Variants in ARMC3 observed in about 807,000 individuals in gnomAD.
The protein encoded by ARMC3 is armadillo repeat-containing protein 3.
A neutral mutation model predicts 90.3 loss-of-function variants in ARMC3; 74 were observed. The observed-to-expected ratio is 0.82, with a 90% CI of 0.68 to 0.99. ARMC3 has a LOEUF of 0.99. ARMC3 is among the 50% of genes least tolerant of loss of function. The pLI, the probability that ARMC3 is intolerant of heterozygous loss-of-function variation, is 0.00. For synonymous variants in ARMC3, 334 were observed against 361.8 expected, an observed-to-expected ratio of 0.92 and a Z score of 0.87; for missense variants, 958 against 1,042.8, an observed-to-expected ratio of 0.92 and a Z score of 1.12.
chr10:22,931,309 A>G (rs1466138217), intron 1 of ARMC3, among the ~76,000 whole-genome samples: 1 of 152,208 alleles, frequency 6.6e-6, no homozygotes, highest in Non-Finnish European at 1.5e-5. Context: ...CTTTTTCCAC[A>G]CAGACATGGA....
chr10:22,930,229 G>A lies in ARMC3; in HGVS notation c.-1-1767G>A, dbSNP rs187585766. ...TGAAATATTATAGGCACAAGGTCTA[G>A]GGCCTGTTCACTTTTCAAGCACCTA... On this transcript the variant is annotated intron_variant, in intron 1 of 18. Coordinates refer to ENST00000298032, the MANE Select transcript of ARMC3 (RefSeq NM_173081.5). 2.1e-3 allele frequency among the ~76,000 whole-genome samples: 315 copies of A among 151,896 alleles called. 1 individual carries two copies. Among genetic ancestry groups the A allele is most frequent in the Non-Finnish European group, 3.6e-3 (244 of 67,982 alleles).
intron 8 of ARMC3, among the ~76,000 whole-genome samples, chr10:22,973,948 C>T (rs1395033255): frequency 3.3e-5 from 5 of 151,566 alleles, no homozygotes; most frequent in South Asian, 2.1e-4. Context: ...TTAGTAAAGA[C>T]GGGGTTTCAC....
At chr10:22,987,066 A>G (rs1465524388) in intron 10 of ARMC3, among the ~76,000 whole-genome samples, 4 of 152,210 alleles carry the variant, frequency 2.6e-5, no homozygotes, top group Non-Finnish European at 5.9e-5. Context: ...TTATAGAAAA[A>G]TGTAGTTGTT....
chr10:22,932,475 A>G (rs780802623), intron 2 of ARMC3, among the ~76,000 whole-genome samples: 6 of 152,216 alleles, frequency 3.9e-5, no homozygotes, highest in Non-Finnish European at 7.3e-5. Flanking sequence ...AGAAGTCCCT[A>G]TCCTTTCCAG....
At chr10:22,934,843 A>T (rs772451558) in intron 2 of ARMC3, among the ~76,000 whole-genome samples, 1 of 152,188 alleles carries the variant, frequency 6.6e-6, no homozygotes. Flanking sequence ...GGTGCTGTTC[A>T]TCATTCTACA....
In ARMC3 at chr10:22,981,454, G is replaced by A; in HGVS notation, c.1031G>A (p.Cys344Tyr). The change falls in exon 9 of 19, where the codon TGT becomes TAT. Residue 344 changes from cysteine to tyrosine, a missense_variant. Transcript: ENST00000298032. ...IAASQAISAM[C>Y]ENSGSKDFFN... ...GCTTCCCAAGCTATTTCAGCAATGTGTGAGAATTCAGGCAGCAAAGATTTT... is the reference window on the plus strand; with the variant it reads ...GCTTCCCAAGCTATTTCAGCAATGTATGAGAATTCAGGCAGCAAAGATTTT... 6.2e-7 allele frequency: 1 copy of A among 1,614,062 alleles called. No homozygotes were observed. Among genetic ancestry groups the A allele is most frequent in the Non-Finnish European group, 8.5e-7 (1 of 1,180,006 alleles).
intron 16 of ARMC3, among the ~76,000 whole-genome samples, chr10:23,026,219 C>CA: frequency 6.6e-6 from 1 of 152,176 alleles, no homozygotes; most frequent in African/African-American, 2.4e-5. Context: ...CTTCTCAACT[C>CA]ACGATGATCT....
intron 16 of ARMC3, 99 bp from the exon 17 acceptor site, chr10:23,030,497 G>C: frequency 1.3e-6 from 2 of 1,498,468 alleles, no homozygotes; most frequent in Non-Finnish European, 1.8e-6. Flanking sequence ...AGGGTTCACT[G>C]TACCTTTTTT....
intron 3 of ARMC3, among the ~76,000 whole-genome samples, chr10:22,951,219 G>A (rs763542595): frequency 6.6e-6 from 1 of 152,204 alleles, no homozygotes; most frequent in African/African-American, 2.4e-5. Flanking sequence ...TTACAGGCAT[G>A]AGCCAGTGCG....
intron 3 of ARMC3, among the ~76,000 whole-genome samples, chr10:22,947,932 T>G (rs1834601056): frequency 6.6e-6 from 1 of 152,164 alleles, no homozygotes. Flanking sequence ...TTACAAATGA[T>G]TAGACTTTTA....
intron 16 of ARMC3, among the ~76,000 whole-genome samples, chr10:23,013,948 A>T (rs1266391897): frequency 6.6e-6 from 1 of 152,208 alleles, no homozygotes; most frequent in East Asian, 1.9e-4. Flanking sequence ...AATATTAAAA[A>T]TTACTTTAAT....
intron 7 of ARMC3, among the ~76,000 whole-genome samples, chr10:22,964,710 G>A (rs7905381): frequency 0.033 from 4,929 of 151,146 alleles, 259 homozygotes; most frequent in African/African-American, 0.11. Context: ...CAAAGTGCTG[G>A]GACTACAGGC....
intron 2 of ARMC3, among the ~76,000 whole-genome samples, chr10:22,940,963 G>A (rs1834305118): frequency 6.6e-6 from 1 of 152,244 alleles, no homozygotes; most frequent in Middle Eastern, 3.4e-3. Flanking sequence ...TCTATCAACA[G>A]TTGAATGGAT....
chr10:23,002,793 C>T (rs1257353312), intron 12 of ARMC3, among the ~76,000 whole-genome samples: 3 of 151,976 alleles, frequency 2.0e-5, no homozygotes, highest in African/African-American at 2.4e-5. Context: ...AGGCTGGTCT[C>T]GAACTCCTGA....
chr10:22,983,061 T>C (rs1000674987), intron 10 of ARMC3, among the ~76,000 whole-genome samples: 1 of 152,222 alleles, frequency 6.6e-6, no homozygotes, highest in African/African-American at 2.4e-5. Context: ...TTCTGGAATA[T>C]TGAGTCCTTC....
chr10:22,965,445 C>G (rs1835403756), intron 7 of ARMC3, among the ~76,000 whole-genome samples: 1 of 152,124 alleles, frequency 6.6e-6, no homozygotes, highest in Non-Finnish European at 1.5e-5. Context: ...TGATGTGTCA[C>G]TTTTCTTTGG....
intron 2 of ARMC3, among the ~76,000 whole-genome samples, chr10:22,943,036 G>A (rs919903352): frequency 3.9e-5 from 6 of 152,118 alleles, no homozygotes; most frequent in African/African-American, 1.2e-4. Flanking sequence ...CAGAATAATG[G>A]TTATCTCTCA....
chr10:22,991,547 A>G (rs1328214425), intron 10 of ARMC3, among the ~76,000 whole-genome samples: 1 of 151,812 alleles, frequency 6.6e-6, no homozygotes, highest in Admixed American at 6.6e-5. Context: ...TTGGGGTACC[A>G]CAGGAAAGGA....
chr10:23,036,348 A>C (rs1413036518), intron 18 of ARMC3, among the ~76,000 whole-genome samples: 1 of 152,220 alleles, frequency 6.6e-6, no homozygotes, highest in Non-Finnish European at 1.5e-5. Flanking sequence ...TGGTGCAGTC[A>C]TTATATTGTC....
Sources: allele counts gnomAD v4.1 joint callset (sites outside exome capture counted in the v4.1 genomes callset), GRCh38; gene constraint gnomAD v4.1.1; transcripts MANE v1.5; gene names NCBI Gene and HGNC (gene_info 2026-07-23, HGNC 2026-07-21).